PKHD1L1: variants seen among roughly 807,000 people sequenced by gnomAD.
The protein encoded by PKHD1L1 is fibrocystin-L.
PKHD1L1 carries 434 observed loss-of-function variants against 462.9 expected under a neutral mutation model. The observed-to-expected ratio is 0.94, with a 90% CI of 0.87 to 1.02. The LOEUF is 1.02. Ranked by LOEUF, PKHD1L1 falls within the 50% of genes least tolerant of loss-of-function variation. The pLI, the probability that PKHD1L1 is intolerant of heterozygous loss-of-function variation, is 0.00. For synonymous variants in PKHD1L1, 1,781 were observed against 1,750.0 expected, an observed-to-expected ratio of 1.02 and a Z score of -0.44; for missense variants, 5,202 against 5,096.1, an observed-to-expected ratio of 1.02 and a Z score of -0.63.
At position 109,385,609 on chromosome 8, in the gene PKHD1L1, G is replaced by C. The variant is rs1812400170; in HGVS notation, c.548G>C (p.Gly183Ala). 6.3e-7 allele frequency: 1 copy of C among 1,595,632 alleles called. No homozygotes were observed. The highest frequency in any genetic ancestry group is 1.1e-5 in the South Asian group (1 of 89,500). Residue 183 changes from glycine (G) to alanine (A), a missense_variant, in exon 6 of 78, where the codon GGG (glycine) becomes GCG (alanine). Transcript: ENST00000378402. ...YGSNIALSSN[G>A]KNVRILRVYI... The stretch of plus-strand genomic sequence containing the variant: ...AGTAATATTGCACTAAGCTCAAATG[G>C]GAAAAATGTTAGGATTTTGAGGTAA...
chr8:109,366,736 A>G (rs1411316140), intron 2 of PKHD1L1, among the ~76,000 whole-genome samples: 1 of 142,676 alleles, frequency 7.0e-6, no homozygotes, highest in Admixed American at 7.4e-5. Flanking sequence ...CTTGTCGTCC[A>G]GGCTGGAGTG....
intron 25 of PKHD1L1, among the ~76,000 whole-genome samples, chr8:109,428,820 A>G (rs905481904): frequency 6.6e-6 from 1 of 152,220 alleles, no homozygotes; most frequent in African/African-American, 2.4e-5. Flanking sequence ...TTTGTAAAGA[A>G]CAAATTGTAT....
chr8:109,417,340 CAA>C (rs566057218), intron 21 of PKHD1L1, among the ~76,000 whole-genome samples: 1 of 149,380 alleles, frequency 6.7e-6, no homozygotes, highest in East Asian at 2.0e-4. Flanking sequence ...TATGTATCCA[CAA>C]AAAAAAACTA....
chr8:109,491,280 A>G (rs1217613045), intron 61 of PKHD1L1, among the ~76,000 whole-genome samples, 179 bp downstream of exon 61: 1 of 151,900 alleles, frequency 6.6e-6, no homozygotes, highest in African/African-American at 2.4e-5. Context: ...AATTATGGCT[A>G]GGAGCTGAAT....
At chr8:109,376,257 G>A (rs1338932429) in intron 2 of PKHD1L1, among the ~76,000 whole-genome samples, 1 of 152,082 alleles carries the variant, frequency 6.6e-6, no homozygotes, top group Non-Finnish European at 1.5e-5. Flanking sequence ...AGACTGCTGT[G>A]CTAGCAATGA....
At chr8:109,432,130 T>G (rs1371468344) in intron 27 of PKHD1L1, among the ~76,000 whole-genome samples, 2 of 152,186 alleles carry the variant, frequency 1.3e-5, no homozygotes, top group African/African-American at 4.8e-5. Flanking sequence ...CCTTTTTCCC[T>G]TTTTTATTGA....
At position 109,464,332 on chromosome 8, in the gene PKHD1L1, C is replaced by T; in HGVS notation, c.7500C>T (p.Asn2500=). 6.2e-7 allele frequency: 1 copy of T among 1,613,286 alleles called. No individual in the cohort carries two copies. Among genetic ancestry groups the T allele is most frequent in the Non-Finnish European group, 8.5e-7 (1 of 1,179,576 alleles). ...GCTGTGCAATTCACCAGGCCTATAACAGAGCTGTTACTATTCATAACACAC... is the reference window on the plus strand; with the variant it reads ...GCTGTGCAATTCACCAGGCCTATAATAGAGCTGTTACTATTCATAACACAC... ...VRGCAIHQAY[N]RAVTIHNTHH... is the part of the protein sequence containing the mutation. The change falls in exon 49 of 78, where the codon AAC becomes AAT. Residue 2500 remains asparagine, a synonymous_variant. Transcript: ENST00000378402.
intron 27 of PKHD1L1, among the ~76,000 whole-genome samples, chr8:109,431,142 A>AT (rs1815077064): frequency 6.6e-6 from 1 of 151,920 alleles, no homozygotes; most frequent in African/African-American, 2.4e-5. Context: ...TAATTTTTGT[A>AT]TTTTTAGTAG....
chr8:109,429,416 A>G lies in PKHD1L1; in HGVS notation c.3077A>G (p.Gln1026Arg). Residue 1026 changes from glutamine to arginine, a missense_variant, in exon 26 of 78, where the codon CAA becomes CGA. Gln to Arg is a conservative substitution (Grantham distance 43, BLOSUM62 1). Transcript: ENST00000378402. ...TRIKEGGLFRQHVLGDLLRTP... is the reference protein window; with the variant it reads ...TRIKEGGLFRRHVLGDLLRTP... ...ATAAAGGAAGGTGGCTTATTCAGAC[A>G]ACATGTACTTGGAGACCTACTTCGT... is the stretch of plus-strand genomic sequence containing the variant. 1.2e-6 allele frequency: 2 copies of G among 1,606,518 alleles called. No individual in the cohort carries two copies. The highest frequency in any genetic ancestry group is 1.7e-6 in the Non-Finnish European group (2 of 1,175,588).
intron 76 of PKHD1L1, among the ~76,000 whole-genome samples, chr8:109,525,505 C>T (rs1055907875): frequency 6.6e-5 from 10 of 152,110 alleles, no homozygotes; most frequent in Non-Finnish European, 1.3e-4. Context: ...CCAATGTCTG[C>T]GGCTTCAGCT....
chr8:109,443,746 G>A lies in PKHD1L1; in HGVS notation c.4635G>A (p.Leu1545=). ...GCLATEPLCS[L]NNTRVKNSKR... ...TAGCAACAGAACCCCTGTGCAGCCT[G>A]AACAATACCAGGGTTAAAAATTCAA... The change falls in exon 37 of 78, where the codon CTG becomes CTA. Residue 1545 remains leucine (L), a synonymous_variant. Transcript: ENST00000378402. 6.2e-7 allele frequency: 1 copy of A among 1,613,760 alleles called. No individual in the cohort carries two copies. The highest frequency in any genetic ancestry group is 1.3e-5 in the African/African-American group (1 of 75,030).
At chr8:109,450,413 T>C (rs1816420611) in intron 40 of PKHD1L1, among the ~76,000 whole-genome samples, 1 of 152,152 alleles carries the variant, frequency 6.6e-6, no homozygotes, top group Non-Finnish European at 1.5e-5. Flanking sequence ...TATTGAAAAA[T>C]GCAATATTTT....
At chr8:109,411,871 C>T (rs1488643948) in intron 19 of PKHD1L1, among the ~76,000 whole-genome samples, 1 of 152,096 alleles carries the variant, frequency 6.6e-6, no homozygotes, top group African/African-American at 2.4e-5. Flanking sequence ...GCTTCTTTGT[C>T]TTAGACGGGT....
intron 50 of PKHD1L1, among the ~76,000 whole-genome samples, chr8:109,473,414 G>A (rs1817824866): frequency 6.6e-6 from 1 of 151,990 alleles, no homozygotes; most frequent in African/African-American, 2.4e-5. Flanking sequence ...TACTTGGGAG[G>A]TTGAGGCAGG....
intron 17 of PKHD1L1, 135 bp downstream of exon 17, chr8:109,406,613 C>T (rs980022637): frequency 9.1e-5 from 94 of 1,031,890 alleles, no homozygotes; most frequent in African/African-American, 1.2e-4. Context: ...GTTTTTTCTA[C>T]GGTAATTTAA....
chr8:109,455,134 T>G (rs1035249152), intron 45 of PKHD1L1, among the ~76,000 whole-genome samples: 2 of 152,168 alleles, frequency 1.3e-5, no homozygotes, highest in African/African-American at 4.8e-5. Context: ...GGCCAGGTGT[T>G]TGATACCAGC....
chr8:109,425,093 A>C lies in PKHD1L1; in HGVS notation c.2706A>C (p.Thr902=), dbSNP rs765120097. The C allele has an allele frequency of 1.9e-6, 3 of 1,580,794 alleles. No homozygotes were observed. The highest frequency in any genetic ancestry group is 2.6e-6 in the Non-Finnish European group (3 of 1,167,998). Reference sequence around the variant, plus strand: ...TTTATTTTGGAAATTAGATAATCACACATGAGACAGAGAACGAGTTTGTCT... The same window carrying C: ...TTTATTTTGGAAATTAGATAATCACCCATGAGACAGAGAACGAGTTTGTCT... The part of the protein sequence containing the change: ...MMAVSFGQII[T]HETENEFVYR... Residue 902 remains threonine (T), a synonymous_variant, in exon 24 of 78, where the codon ACA becomes ACC. Transcript: ENST00000378402.
chr8:109,482,325 A>G (rs1379858973), intron 56 of PKHD1L1, among the ~76,000 whole-genome samples: 1 of 151,884 alleles, frequency 6.6e-6, no homozygotes, highest in Non-Finnish European at 1.5e-5. Context: ...AATCTTAAAA[A>G]AAAGTATGTG....
intron 72 of PKHD1L1, 118 bp downstream of exon 72, chr8:109,515,423 T>A: frequency 1.2e-6 from 1 of 851,068 alleles, no homozygotes; most frequent in Non-Finnish European, 1.6e-6. Context: ...AGAAAACAAG[T>A]TTTTAGCCAT....
Sources: gnomAD v4.1 joint callset for allele counts (sites outside exome capture counted in the v4.1 genomes callset) on GRCh38, gnomAD v4.1.1 for gene constraint, MANE v1.5 for transcripts, NCBI Gene and HGNC (gene_info 2026-07-23, HGNC 2026-07-21) for gene names.